RUNX1T1: variants seen among roughly 807,000 people sequenced by gnomAD.
RUNX1T1 encodes the protein protein CBFA2T1.
RUNX1T1 carries 4 observed loss-of-function variants against 62.8 expected under a neutral mutation model. That is an observed-to-expected ratio of 0.06 (90% confidence interval 0.03 to 0.15). RUNX1T1 has a LOEUF of 0.15. Ranked by LOEUF, RUNX1T1 falls within the 10% of genes least tolerant of loss-of-function variation. The pLI, the probability that RUNX1T1 is intolerant of heterozygous loss-of-function variation, is 1.00. For synonymous variants in RUNX1T1, 291 were observed against 286.0 expected (o/e 1.02, Z -0.18); for missense variants, 508 against 754.3 (o/e 0.67, Z 3.82).
rs544767919 is a variant in RUNX1T1, at chr8:92,084,409, A to G, written c.-85-8272T>C. On this transcript the variant is annotated intron_variant, in intron 1 of 11. Transcript: ENST00000265814. ...GTGCATTCTTTGACAAGAGAACGCA[A>G]TGAAAGCGACCAAGGTGGAAAGAGG... Among the ~76,000 whole-genome samples, 490 of 152,234 alleles carry G rather than the reference A, an allele frequency of 3.2e-3. 2 individuals carry two copies. Among genetic ancestry groups the G allele is most frequent in the African/African-American group, 0.011 (442 of 41,532 alleles).
intron 1 of RUNX1T1, among the ~76,000 whole-genome samples, chr8:92,019,517 G>A (rs1192649755): frequency 6.6e-6 from 1 of 152,082 alleles, no homozygotes; most frequent in Non-Finnish European, 1.5e-5. Context: ...AGAGCCTGAT[G>A]GGGGAGTAAG....
chr8:91,962,509 T>A (rs1186564881), intron 10 of RUNX1T1, among the ~76,000 whole-genome samples: 1 of 152,232 alleles, frequency 6.6e-6, no homozygotes, highest in Non-Finnish European at 1.5e-5. Flanking sequence ...GATGTGAAGC[T>A]CTGATCGCAA....
chr8:92,028,076 T>TG (rs57015512), intron 1 of RUNX1T1, among the ~76,000 whole-genome samples: 9,230 of 40,246 alleles, frequency 0.23, 1,309 homozygotes, highest in Middle Eastern at 0.31. Context: ...ATGGAATAAA[T>TG]GGGGGGGGGG....
intron 1 of RUNX1T1, among the ~76,000 whole-genome samples, chr8:92,050,346 C>T (rs914462796): frequency 6.6e-6 from 1 of 152,038 alleles, no homozygotes; most frequent in Non-Finnish European, 1.5e-5. Context: ...ATAACAGTAC[C>T]AGAAACAGAT....
In RUNX1T1 at chr8:91,981,404, C is replaced by CTTTTTT. The variant is rs67366711; in HGVS notation, c.1198+4714_1198+4719dup. On this transcript the variant is annotated intron_variant, in intron 8 of 10. Transcript: ENST00000396218. ...TTCAACAAACTCCTAAGTTACTAAG[C>CTTTTTT]TTTTTTTTTTTTTTTTTTTTTTTTT... is the stretch of plus-strand genomic sequence containing the variant. 1.0e-3 allele frequency among the ~76,000 whole-genome samples: 65 copies of CTTTTTT among 63,884 alleles called. 9 individuals carry two copies. Among genetic ancestry groups the CTTTTTT allele is most frequent in the Non-Finnish European group, 1.3e-3 (45 of 34,716 alleles). The allele number at this position is 63,884 out of a possible 152,430, so 41.9% of individuals were successfully genotyped here. A position where few individuals can be genotyped will look rare whatever the true frequency, so the allele number is the denominator to read the frequency against.
chr8:91,983,441 T>C (rs1489587256), intron 8 of RUNX1T1, among the ~76,000 whole-genome samples: 1 of 152,174 alleles, frequency 6.6e-6, no homozygotes, highest in Non-Finnish European at 1.5e-5. Flanking sequence ...TGACTAAACG[T>C]TCCCAGTGTT....
chr8:91,992,626 C>G (rs1817899750), intron 5 of RUNX1T1, among the ~76,000 whole-genome samples: 1 of 152,054 alleles, frequency 6.6e-6, no homozygotes, highest in Non-Finnish European at 1.5e-5. Flanking sequence ...CTTGAGTCAC[C>G]AAGGTAATCA....
chr8:92,045,736 TA>T (rs1202486144), intron 1 of RUNX1T1, among the ~76,000 whole-genome samples: 1 of 152,126 alleles, frequency 6.6e-6, no homozygotes, highest in Admixed American at 6.6e-5. Context: ...CTACTACACT[TA>T]AGTTCCTTAA....
chr8:92,034,791 C>CACACGTATACATATATATCCACAT (rs879497772), intron 1 of RUNX1T1, among the ~76,000 whole-genome samples: 1 of 115,578 alleles, frequency 8.7e-6, no homozygotes, highest in African/African-American at 3.4e-5. Flanking sequence ...TATATATATA[C>CACACGTATACATATATATCCACAT]ATATATACAC....
At position 92,040,107 on chromosome 8, in the gene RUNX1T1, A is replaced by G. The variant is rs550373975; in HGVS notation, c.7+22439T>C. 2.6e-5 allele frequency among the ~76,000 whole-genome samples: 4 copies of G among 152,272 alleles called. 1 individual carries two copies. The South Asian group carries it at 8.3e-4, about 32-fold the overall frequency. ...TCACAGCATATGCTCCAGCCCTGGC[A>G]ATTCATACCAGGTCATGGTCTTCCC... On this transcript the variant is annotated intron_variant, in intron 1 of 10. Transcript: ENST00000396218.
intron 10 of RUNX1T1, among the ~76,000 whole-genome samples, chr8:91,963,976 G>A (rs1811070196): frequency 6.6e-6 from 1 of 152,088 alleles, no homozygotes; most frequent in South Asian, 2.1e-4. Context: ...TTGTGATAAT[G>A]TTATTCCCTT....
chr8:91,999,170 G>T (rs930218073), intron 5 of RUNX1T1, among the ~76,000 whole-genome samples: 1 of 152,122 alleles, frequency 6.6e-6, no homozygotes, highest in East Asian at 1.9e-4. Context: ...GGAGCTACAA[G>T]ACTTCTATAC....
chr8:92,094,946 C>T (rs1837568805), intron 1 of RUNX1T1: 2 of 976,864 alleles, frequency 2.0e-6, no homozygotes, highest in Admixed American at 2.3e-5. Context: ...ATCTATTGTT[C>T]CCCCTTTATC....
intron 1 of RUNX1T1, among the ~76,000 whole-genome samples, chr8:92,054,910 CA>C (rs1830791906): frequency 1.3e-5 from 2 of 152,106 alleles, no homozygotes; most frequent in South Asian, 4.1e-4. Flanking sequence ...GAGGCTGAAG[CA>C]GGGGAACTGC....
intron 1 of RUNX1T1, among the ~76,000 whole-genome samples, chr8:92,031,763 C>G (rs1177505776): frequency 6.6e-6 from 1 of 152,022 alleles, no homozygotes; most frequent in Non-Finnish European, 1.5e-5. Context: ...AACCAGTGCC[C>G]AGCAGCCTAA....
At chr8:92,028,302 A>G (rs547294064) in intron 1 of RUNX1T1, among the ~76,000 whole-genome samples, 77 of 152,118 alleles carry the variant, frequency 5.1e-4, no homozygotes, top group Admixed American at 1.8e-3. Flanking sequence ...TCTGGACAGA[A>G]AAATAATACT....
At chr8:92,066,385 C>T (rs988723153), upstream of RUNX1T1, among the ~76,000 whole-genome samples, 4 of 152,138 alleles carry the variant, frequency 2.6e-5, no homozygotes, top group East Asian at 1.9e-4. Flanking sequence ...GTTTTATGGG[C>T]GAGTGGTAAA....
At chr8:91,981,555 C>T (rs2130774638) in intron 8 of RUNX1T1, among the ~76,000 whole-genome samples, 1 of 151,790 alleles carries the variant, frequency 6.6e-6, no homozygotes, top group African/African-American at 2.4e-5. Context: ...GCTGGGACTA[C>T]AGGGGTGCAC....
At chr8:92,015,717 T>C (rs920509793) in intron 2 of RUNX1T1, among the ~76,000 whole-genome samples, 2 of 152,238 alleles carry the variant, frequency 1.3e-5, no homozygotes, top group African/African-American at 4.8e-5. Context: ...CAGACCTTTA[T>C]CAAACCCATC....
Sources: allele counts gnomAD v4.1 joint callset (sites outside exome capture counted in the v4.1 genomes callset), GRCh38; gene constraint gnomAD v4.1.1; transcripts MANE v1.5; gene names NCBI Gene and HGNC (gene_info 2026-07-23, HGNC 2026-07-21).